The following CA3 variants were observed in gnomAD, a reference collection of about 807,000 sequenced individuals.
CA3 encodes the protein CA-III.
A neutral mutation model predicts 35.7 loss-of-function variants in CA3; 30 were observed. The observed-to-expected ratio is 0.84, with a 90% confidence interval of 0.63 to 1.14. The LOEUF (loss-of-function observed/expected upper bound fraction) is 1.14. CA3 is among the 50% of genes most tolerant of loss of function. The probability of loss-of-function intolerance (pLI) is 0.00; values close to 1 mark genes in which losing one functional copy is unlikely to be tolerated. For missense variants in CA3, 295 were observed against 328.5 expected, an observed-to-expected ratio of 0.90 and a Z score of 0.79; for synonymous variants, 131 against 130.8, an observed-to-expected ratio of 1.00 and a Z score of -0.01.
Position 85,446,274 on chromosome 8 carries a change from C to A in CA3, c.640C>A (p.Pro214Thr). 1.9e-6 allele frequency: 3 copies of A among 1,613,736 alleles called. No individual in the cohort carries two copies. The highest frequency in any genetic ancestry group is 1.7e-5 in the Admixed American group (1 of 60,010). The stretch of plus-strand genomic sequence containing the variant: ...CATTGTGTGGCTGCTGCTGAAGGAG[C>A]CCATGACCGTGAGCTCTGACCAGGT... ...ECIVWLLLKEPMTVSSDQMAK... is the reference protein window; with the variant it reads ...ECIVWLLLKETMTVSSDQMAK... The change falls in exon 6 of 7, where the codon CCC (proline) becomes ACC (threonine). Residue 214 changes from proline to threonine, a missense_variant. Transcript: ENST00000285381.
intron 2 of CA3, among the ~76,000 whole-genome samples, chr8:85,440,640 G>A (rs1229613457): frequency 6.6e-6 from 1 of 152,112 alleles, no homozygotes; most frequent in Non-Finnish European, 1.5e-5. Context: ...AATGAGGTAA[G>A]AAAGAATCTT....
chr8:85,443,102 CTATA>C (rs1186449346), intron 3 of CA3, among the ~76,000 whole-genome samples: 4 of 152,062 alleles, frequency 2.6e-5, no homozygotes, highest in Non-Finnish European at 5.9e-5. Context: ...GTGTGTATAT[CTATA>C]TATACACATG....
At chr8:85,444,369 G>GTA (rs1491372002) in intron 4 of CA3, among the ~76,000 whole-genome samples, 2 of 97,276 alleles carry the variant, frequency 2.1e-5, no homozygotes, top group African/African-American at 6.0e-5. Flanking sequence ...GATGTGGGAG[G>GTA]TGTGTGTGTG....
chr8:85,446,072 G>A, intron 5 of CA3, 70 bp from the exon 6 acceptor site: 1 of 1,318,126 alleles, frequency 7.6e-7, no homozygotes, highest in Non-Finnish European at 1.0e-6. Context: ...AAATAAAGTG[G>A]TGAGGGCATT....
At chr8:85,440,172 G>T (rs1418564304) in intron 2 of CA3, among the ~76,000 whole-genome samples, 1 of 152,150 alleles carries the variant, frequency 6.6e-6, no homozygotes, top group Non-Finnish European at 1.5e-5. Flanking sequence ...AATGGAACAC[G>T]ATAGGACAGA....
Position 85,446,080 on chromosome 8 carries a change from A to G in CA3, c.508-62A>G, listed in dbSNP as rs1378628104. The stretch of plus-strand genomic sequence containing the variant: ...TTCTTACAAATAAAGTGGTGAGGGC[A>G]TTGGGGTGGGTGGGCATGTGCATGC... On this transcript the variant is annotated intron_variant, in intron 5 of 6. Coordinates refer to ENST00000285381, the MANE Select transcript of CA3 (RefSeq NM_005181.4). The G allele has an allele frequency of 3.6e-6, 5 of 1,404,118 alleles. No individual in the cohort carries two copies. In the Admixed American group the frequency reaches 1.1e-4, roughly 31 times the overall value. 87.0% of individuals were successfully genotyped at this position (1,404,118 alleles called of 1,614,324 possible). A position where few individuals can be genotyped will look rare whatever the true frequency, so the allele number is the denominator to read the frequency against.
At chr8:85,447,125 C>T (rs1375016098) in intron 6 of CA3, among the ~76,000 whole-genome samples, 1 of 148,428 alleles carries the variant, frequency 6.7e-6, no homozygotes, top group Non-Finnish European at 1.5e-5. Context: ...ATATAACAAC[C>T]TTGTTCAGTG....
intron 2 of CA3, 120 bp downstream of exon 2, chr8:85,440,029 C>G: frequency 1.4e-6 from 1 of 696,808 alleles, no homozygotes; most frequent in Non-Finnish European, 2.4e-6. Context: ...TTTTAAAATG[C>G]AGATGACATT....
chr8:85,446,030 T>C, intron 5 of CA3, 112 bp from the exon 6 acceptor site: 1 of 1,024,656 alleles, frequency 9.8e-7, no homozygotes, highest in Non-Finnish European at 1.4e-6. Context: ...AGAAGTTCTA[T>C]TTTCTCTATT....
intron 3 of CA3, among the ~76,000 whole-genome samples, chr8:85,442,890 T>C (rs1328842394): frequency 6.6e-6 from 1 of 152,168 alleles, no homozygotes; most frequent in East Asian, 1.9e-4. Context: ...ACAGAAGGCA[T>C]AGAAAAGACA....
intron 1 of CA3, 150 bp downstream of exon 1, chr8:85,439,093 A>G (rs1239700618): frequency 1.3e-6 from 1 of 761,970 alleles, no homozygotes; most frequent in Non-Finnish European, 2.1e-6. Context: ...TCAACTGCCA[A>G]ATGCTGCTGC....
In CA3 at chr8:85,446,262, C is replaced by T; in HGVS notation, c.628C>T (p.Leu210=). The T allele has an allele frequency of 6.2e-7, 1 of 1,614,054 alleles. No individual in the cohort carries two copies. The highest frequency in any genetic ancestry group is 8.5e-7 in the Non-Finnish European group (1 of 1,179,926). ...PPCEECIVWL[L]LKEPMTVSSD... ...CTGCGAGGAATGCATTGTGTGGCTG[C>T]TGCTGAAGGAGCCCATGACCGTGAG... The change falls in exon 6 of 7, where the codon CTG becomes TTG. Residue 210 remains leucine (L), a synonymous_variant. Transcript: ENST00000285381.
intron 1 of CA3, among the ~76,000 whole-genome samples, chr8:85,439,190 T>A (rs1811172617): frequency 6.6e-6 from 1 of 152,190 alleles, no homozygotes; most frequent in African/African-American, 2.4e-5. Flanking sequence ...AGAAGTTGGA[T>A]CACTTGCCTA....
chr8:85,443,965 T>C (rs1811241826), intron 3 of CA3, 69 bp from the exon 4 acceptor site: 1 of 1,069,526 alleles, frequency 9.3e-7, no homozygotes, highest in East Asian at 2.4e-5. Flanking sequence ...TTGGGTTTAT[T>C]GTGGATAATG....
intron 1 of CA3, 32 bp downstream of exon 1, chr8:85,438,975 A>G (rs753299850): frequency 3.2e-6 from 5 of 1,550,430 alleles, no homozygotes; most frequent in East Asian, 2.4e-5. Flanking sequence ...CCGGCCAGGA[A>G]GGGATGCCAG....
Position 85,448,298 on chromosome 8 carries a change from T to G in CA3, c.*145T>G, listed in dbSNP as rs973283883. ...TGTGAGAGATGTGGTCACCAAGATC[T>G]AAGTTACTTGTTGAAAGAAAGTTAC... On this transcript the variant is annotated 3_prime_UTR_variant, in exon 7 of 7. Transcript: ENST00000285381. The G allele has an allele frequency of 9.6e-6, 7 of 731,218 alleles. No individual in the cohort carries two copies. Among genetic ancestry groups the G allele is most frequent in the Non-Finnish European group, 1.4e-5 (7 of 495,090 alleles). 45.3% of individuals were successfully genotyped at this position (731,218 alleles called of 1,614,324 possible).
chr8:85,439,343 G>A (rs989971440), intron 1 of CA3, among the ~76,000 whole-genome samples: 1 of 152,036 alleles, frequency 6.6e-6, no homozygotes, highest in Admixed American at 6.6e-5. Flanking sequence ...CTAATCCAAG[G>A]CAAAGGAACA....
Position 85,445,189 on chromosome 8 carries a change from C to T in CA3, c.478C>T (p.Leu160Phe). ...GHENGEFQIF[L>F]DALDKIKTKG... ...TGAGAATGGCGAGTTCCAGATTTTC[C>T]TTGATGCATTGGACAAGATTAAGAC... The change falls in exon 5 of 7, where the codon CTT (leucine) becomes TTT (phenylalanine). Residue 160 changes from leucine (L) to phenylalanine (F), a missense_variant. By Grantham distance (22) the Leu-to-Phe change is conservative. Coordinates refer to ENST00000285381, the MANE Select transcript of CA3 (RefSeq NM_005181.4). 1 of 1,608,400 alleles carries T rather than the reference C, an allele frequency of 6.2e-7. No individual in the cohort carries two copies. Among genetic ancestry groups the T allele is most frequent in the Non-Finnish European group, 8.5e-7 (1 of 1,176,510 alleles).
chr8:85,447,456 G>C (rs903088153), intron 6 of CA3, among the ~76,000 whole-genome samples: 4 of 152,212 alleles, frequency 2.6e-5, no homozygotes, highest in African/African-American at 9.6e-5. Flanking sequence ...GGAAAAGGTT[G>C]TGACCAGAGG....
Sources: gnomAD v4.1 joint callset for allele counts (sites outside exome capture counted in the v4.1 genomes callset) on GRCh38, gnomAD v4.1.1 for gene constraint, MANE v1.5 for transcripts, NCBI Gene and HGNC (gene_info 2026-07-23, HGNC 2026-07-21) for gene names.